The following DENND3 variants were observed in gnomAD, a reference collection of about 807,000 sequenced individuals.
DENND3 encodes DENN domain containing 3, also known as DENN domain-containing protein 3.
A neutral mutation model predicts 135.1 loss-of-function variants in DENND3; 88 were observed. The observed-to-expected ratio is 0.65, with a 90% CI of 0.55 to 0.78. The LOEUF is 0.78. Among genes scored for constraint, DENND3 ranks in the 30% least tolerant of loss-of-function variants. The probability of loss-of-function intolerance (pLI) is 0.00; values close to 1 mark genes in which losing one functional copy is unlikely to be tolerated. For synonymous variants in DENND3, 693 were observed against 712.3 expected (o/e 0.97, Z 0.43); for missense variants, 1,392 against 1,688.4 (o/e 0.82, Z 3.08).
In DENND3 at chr8:141,154,562, T is replaced by C. The variant is rs1474347740; in HGVS notation, c.1075-1287T>C. ...ACAACATGTATTGGAATCTTTTTTT[T>C]TTCTTTTTTTTTTTTGTGAGATGGA... On this transcript the variant is annotated intron_variant, in intron 7 of 22. Transcript: ENST00000519811. The surrounding 1 kb of genome is among the most constrained non-coding windows in gnomAD (Gnocchi z 4.4). 1.3e-5 allele frequency among the ~76,000 whole-genome samples: 2 copies of C among 152,022 alleles called. No homozygotes were observed. The highest frequency in any genetic ancestry group is 2.9e-5 in the Non-Finnish European group (2 of 68,002).
At chr8:141,132,313 G>A (rs1339556564) in intron 1 of DENND3, among the ~76,000 whole-genome samples, 2 of 152,108 alleles carry the variant, frequency 1.3e-5, no homozygotes, top group African/African-American at 4.8e-5. Context: ...TGGAATTATG[G>A]GAGGGCCGTC....
intron 17 of DENND3, 74 bp from the exon 18 acceptor site, chr8:141,185,065 G>A (rs1823717622): frequency 1.1e-5 from 17 of 1,551,838 alleles, no homozygotes; most frequent in Non-Finnish European, 1.5e-5. Flanking sequence ...AGGCACCTGA[G>A]TAAGGGCACC....
Position 141,183,546 on chromosome 8 carries a change from C to CAACT in DENND3, c.2945-1592_2945-1589dup, listed in dbSNP as rs1260538457. On this transcript the variant is annotated intron_variant, in intron 17 of 22. Transcript: ENST00000519811. The stretch of plus-strand genomic sequence containing the variant: ...GCTGGGTTAGAGGCGTGAGCCACCA[C>CAACT]AACTGGCCAAAAGCAATGATTTTAA... Among the ~76,000 whole-genome samples, 18 of 151,688 alleles carry CAACT rather than the reference C, an allele frequency of 1.2e-4. No individual in the cohort carries two copies. In the East Asian group the frequency reaches 3.5e-3, roughly 29 times the overall value.
chr8:141,160,319 C>T (rs1218067721), intron 8 of DENND3, among the ~76,000 whole-genome samples: 1 of 152,018 alleles, frequency 6.6e-6, no homozygotes, highest in Non-Finnish European at 1.5e-5. Flanking sequence ...GCTGGGATTA[C>T]AGGTGCCTGC....
At chr8:141,165,397 G>T in intron 11 of DENND3, 108 bp downstream of exon 11, 1 of 824,776 alleles carries the variant, frequency 1.2e-6, no homozygotes, top group East Asian at 2.7e-5. Context: ...GAAATACCTT[G>T]TGCTTAGAAA....
rs115389825 is a variant in DENND3, at chr8:141,165,795, G to A, written c.1554-395G>A. On this transcript the variant is annotated intron_variant, in intron 11 of 22. Transcript: ENST00000519811. Reference sequence around the variant, plus strand: ...TACTTCTTGAGGGAACACTTGAAACGTGCCCGATGTTAGCATGCTCCCCGT... The same window carrying A: ...TACTTCTTGAGGGAACACTTGAAACATGCCCGATGTTAGCATGCTCCCCGT... Among the ~76,000 whole-genome samples, 647 of 152,204 alleles carry A rather than the reference G, an allele frequency of 4.3e-3. 3 individuals are homozygous for A. Among genetic ancestry groups the A allele is most frequent in the African/African-American group, 0.015 (618 of 41,532 alleles).
rs186023407 is a variant in DENND3 at position 141,179,931 on chromosome 8, A to C, written c.2837-816A>C. Among the ~76,000 whole-genome samples, 344 of 152,294 alleles carry C rather than the reference A, an allele frequency of 2.3e-3. 2 individuals are homozygous for C. Among genetic ancestry groups the C allele is most frequent in the African/African-American group, 7.8e-3 (324 of 41,560 alleles). ...GGACGCAGGAGGTCGAGGCGCCCGC[A>C]GGGGCTGGCAGGAGGGACCGCAGAA... On this transcript the variant is annotated intron_variant, in intron 16 of 22. Coordinates refer to ENST00000519811, the MANE Select transcript of DENND3 (RefSeq NM_001352890.3).
chr8:141,171,383 C>T lies in DENND3; in HGVS notation c.2275+2858C>T, dbSNP rs144157742. 2.0e-3 allele frequency among the ~76,000 whole-genome samples: 301 copies of T among 152,308 alleles called. 2 individuals are homozygous for T. Among genetic ancestry groups the T allele is most frequent in the Middle Eastern group, 6.8e-3 (2 of 294 alleles). On this transcript the variant is annotated intron_variant, in intron 13 of 22. Coordinates refer to ENST00000519811, the MANE Select transcript of DENND3 (RefSeq NM_001352890.3). ...CAATATGCTCCCTGTTGCAGCTGCC[C>T]GTGAGGTGGCCTTCCCCAGGGACGC... is the stretch of plus-strand genomic sequence containing the variant.
intron 5 of DENND3, among the ~76,000 whole-genome samples, chr8:141,147,634 C>T (rs542124174): frequency 4.6e-5 from 7 of 152,344 alleles, no homozygotes; most frequent in South Asian, 2.1e-4. Flanking sequence ...CCCGTCTCTC[C>T]GATAGCACCC....
intron 8 of DENND3, among the ~76,000 whole-genome samples, 178 bp downstream of exon 8, chr8:141,156,148 G>GGAGT (rs1270550422): frequency 6.6e-6 from 1 of 152,104 alleles, no homozygotes; most frequent in Non-Finnish European, 1.5e-5. Context: ...TGTTCAGGCT[G>GGAGT]GAGTGCAGTG....
intron 11 of DENND3, among the ~76,000 whole-genome samples, chr8:141,165,713 C>T (rs1332763381): frequency 6.6e-6 from 1 of 152,220 alleles, no homozygotes; most frequent in Non-Finnish European, 1.5e-5. Flanking sequence ...ATCCACCCAC[C>T]TCAGCCTCCC....
chr8:141,135,357 G>T (rs12056375), intron 1 of DENND3, among the ~76,000 whole-genome samples: 22,221 of 151,832 alleles, frequency 0.15, 2,101 homozygotes, highest in East Asian at 0.48. Context: ...TCATTTTGTT[G>T]CCCAGGCTGG....
In DENND3 at chr8:141,167,342, C is replaced by T. The variant is rs1462064327; in HGVS notation, c.1754-662C>T. Among the ~76,000 whole-genome samples the T allele has an allele frequency of 6.6e-6, 1 of 152,184 alleles. No individual in the cohort carries two copies. The highest frequency in any genetic ancestry group is 1.5e-5 in the Non-Finnish European group (1 of 68,030). On this transcript the variant is annotated intron_variant, in intron 12 of 22. Coordinates refer to ENST00000519811, the MANE Select transcript of DENND3 (RefSeq NM_001352890.3). This position sits in a 1 kb window ranked among gnomAD's most constrained non-coding sequence, Gnocchi z 4.1. ...CACCCTGGGAGCATGCTCCGCTTTC[C>T]CTGCCCTCGGAACCTTCCCCTGGAG...
At chr8:141,160,988 A>T (rs1426133898) in intron 9 of DENND3, among the ~76,000 whole-genome samples, 3 of 152,098 alleles carry the variant, frequency 2.0e-5, no homozygotes, top group African/African-American at 4.8e-5. Context: ...TTTGATTCTG[A>T]CCTTGCCTGT....
At chr8:141,164,992 G>C (rs539812870) in intron 10 of DENND3, among the ~76,000 whole-genome samples, 194 bp from the exon 11 acceptor site, 61 of 152,256 alleles carry the variant, frequency 4.0e-4, no homozygotes, top group Non-Finnish European at 8.2e-4. Flanking sequence ...GACCCAGTGT[G>C]TGAATGTATG....
chr8:141,166,178 T>C lies in DENND3; in HGVS notation c.1554-12T>C. 7 of 1,613,910 alleles carry C rather than the reference T, an allele frequency of 4.3e-6. No individual in the cohort carries two copies. The highest frequency in any genetic ancestry group is 2.7e-5 in the African/African-American group (2 of 75,016). On this transcript the variant is annotated splice_polypyrimidine_tract_variant and intron_variant, in intron 11 of 22. Coordinates refer to ENST00000519811, the MANE Select transcript of DENND3 (RefSeq NM_001352890.3). This position sits in a 1 kb window ranked among gnomAD's most constrained non-coding sequence, Gnocchi z 4.3. ...TGTCTATAAACTAACGCGTTGCTTT[T>C]TCGTACCCCAGAATAAATGGAATGC... is the stretch of plus-strand genomic sequence containing the variant.
chr8:141,186,315 C>G (rs1823880903), intron 18 of DENND3, among the ~76,000 whole-genome samples: 1 of 152,152 alleles, frequency 6.6e-6, no homozygotes, highest in African/African-American at 2.4e-5. Context: ...TCTGCAGTGA[C>G]TTCAGTGTTA....
At chr8:141,192,262 G>A in intron 20 of DENND3, 69 bp from the exon 21 acceptor site, 1 of 1,583,494 alleles carries the variant, frequency 6.3e-7, no homozygotes, top group Non-Finnish European at 8.6e-7. Context: ...AGTGAGGCCG[G>A]CTCTGGTGCT....
intron 1 of DENND3, among the ~76,000 whole-genome samples, chr8:141,132,377 G>T (rs1388833432): frequency 6.6e-6 from 1 of 151,894 alleles, no homozygotes; most frequent in African/African-American, 2.4e-5. Flanking sequence ...TTTTGTGGGG[G>T]ATGGAGTTTC....
Sources: gnomAD v4.1 joint callset for allele counts (sites outside exome capture counted in the v4.1 genomes callset) on GRCh38, gnomAD v4.1.1 for gene constraint, Gnocchi (gnomAD v3.1) non-coding constraint, MANE v1.5 for transcripts, NCBI Gene and HGNC (gene_info 2026-07-23, HGNC 2026-07-21) for gene names.